The following SCAMP1 variants were observed in gnomAD, a reference collection of about 807,000 sequenced individuals.
SCAMP1 encodes secretory carrier membrane protein 1.
In SCAMP1, 15 loss-of-function variants were observed where a neutral mutation model predicts 41.8. That is an observed-to-expected ratio of 0.36 (90% CI 0.24 to 0.55). The LOEUF is 0.55. Ranked by LOEUF, SCAMP1 falls within the 20% of genes least tolerant of loss-of-function variation. SCAMP1 has a pLI of 0.86. For synonymous variants in SCAMP1, 135 were observed against 136.8 expected, an observed-to-expected ratio of 0.99 and a Z score of 0.09; for missense variants, 341 against 412.6, an observed-to-expected ratio of 0.83 and a Z score of 1.50.
chr5:78,376,767 A>C (rs893972450), intron 1 of SCAMP1, among the ~76,000 whole-genome samples: 1 of 152,210 alleles, frequency 6.6e-6, no homozygotes, highest in Non-Finnish European at 1.5e-5. Context: ...TAAGGAGTTC[A>C]TTGCCATTGA....
chr5:78,371,974 ATAG>A (rs764892783), intron 1 of SCAMP1, among the ~76,000 whole-genome samples: 29 of 152,216 alleles, frequency 1.9e-4, no homozygotes, highest in Admixed American at 5.2e-4. Context: ...AACTTGATTG[ATAG>A]TAGAAGAAAA....
chr5:78,450,120 AC>A, intron 7 of SCAMP1, 86 bp downstream of exon 7: 1 of 712,848 alleles, frequency 1.4e-6, no homozygotes, highest in Non-Finnish European at 2.4e-6. Context: ...ACACAGATAA[AC>A]CAGATTAGAA....
chr5:78,466,276 GAAAT>G (rs1412366851), intron 8 of SCAMP1, among the ~76,000 whole-genome samples: 2 of 152,212 alleles, frequency 1.3e-5, no homozygotes, highest in Non-Finnish European at 2.9e-5. Context: ...GTGAGGAAGA[GAAAT>G]AAATTGGTGG....
At chr5:78,391,850 T>A (rs1751516609) in intron 2 of SCAMP1, among the ~76,000 whole-genome samples, 1 of 151,964 alleles carries the variant, frequency 6.6e-6, no homozygotes, top group African/African-American at 2.4e-5. Context: ...ACCAAAAAAA[T>A]ACAAAAACTG....
chr5:78,461,103 T>A (rs1753600006), intron 8 of SCAMP1, among the ~76,000 whole-genome samples: 2 of 152,096 alleles, frequency 1.3e-5, no homozygotes, highest in Admixed American at 1.3e-4. Flanking sequence ...TGATCAGCCC[T>A]CACAAAGTAC....
At chr5:78,456,523 T>G (rs930911751) in intron 7 of SCAMP1, among the ~76,000 whole-genome samples, 1 of 151,626 alleles carries the variant, frequency 6.6e-6, no homozygotes, top group Non-Finnish European at 1.5e-5. Context: ...CCCACTCTCT[T>G]CTGGCTTGTA....
At position 78,476,874 on chromosome 5, in the gene SCAMP1, C is replaced by T. The variant is rs966175344; in HGVS notation, c.*1206C>T. 5 of 152,092 alleles carry T rather than the reference C, an allele frequency of 3.3e-5. No homozygotes were observed. The highest frequency in any genetic ancestry group is 6.6e-5 in the Admixed American group (1 of 15,252). The allele number at this position is 152,092 out of a possible 1,614,324, so 9.4% of individuals were successfully genotyped here. On this transcript the variant is annotated 3_prime_UTR_variant, in exon 9 of 9. Coordinates refer to ENST00000621999, the MANE Select transcript of SCAMP1 (RefSeq NM_004866.6). ...ACAGTTAACTGCATTAAGATAATCA[C>T]GTTAAAATTGTTACTATGCAGCACA...
chr5:78,373,867 C>T (rs985019657), intron 1 of SCAMP1, among the ~76,000 whole-genome samples: 2 of 152,060 alleles, frequency 1.3e-5, no homozygotes, highest in African/African-American at 2.4e-5. Flanking sequence ...GAAAAACAAA[C>T]AAAACATATT....
intron 1 of SCAMP1, chr5:78,361,139 A>G: frequency 5.5e-6 from 1 of 181,544 alleles, no homozygotes; most frequent in Non-Finnish European, 1.2e-5. Flanking sequence ...TGGGGTTGTC[A>G]TGGGGACCCG....
intron 8 of SCAMP1, among the ~76,000 whole-genome samples, chr5:78,463,773 A>C (rs1449532410): frequency 6.6e-6 from 1 of 152,172 alleles, no homozygotes; most frequent in Non-Finnish European, 1.5e-5. Flanking sequence ...GGTTGTGTAG[A>C]TATTATAGTC....
chr5:78,431,569 T>C (rs1462788983), intron 6 of SCAMP1, among the ~76,000 whole-genome samples: 3 of 148,760 alleles, frequency 2.0e-5, no homozygotes, highest in African/African-American at 7.5e-5. Flanking sequence ...TGAGTATCTG[T>C]TAATGACTGT....
At chr5:78,399,289 G>A (rs1373902233) in intron 2 of SCAMP1, among the ~76,000 whole-genome samples, 1 of 152,148 alleles carries the variant, frequency 6.6e-6, no homozygotes, top group Admixed American at 6.5e-5. Context: ...ACTGTATGTG[G>A]GTTTTTTGTA....
At chr5:78,411,559 CT>C (rs909561849) in intron 2 of SCAMP1, among the ~76,000 whole-genome samples, 3 of 152,120 alleles carry the variant, frequency 2.0e-5, no homozygotes, top group African/African-American at 7.2e-5. Flanking sequence ...TGTTTCATAA[CT>C]TTTTTTAATC....
chr5:78,477,298 A>G lies in SCAMP1; in HGVS notation c.*1630A>G, dbSNP rs1195282846. ...ATTTGGGATCTTATTGACATCAGGT[A>G]TACTTGGAAGACATTTCTTTTATTC... On this transcript the variant is annotated 3_prime_UTR_variant, in exon 9 of 9. Coordinates refer to ENST00000621999, the MANE Select transcript of SCAMP1 (RefSeq NM_004866.6). 2 of 152,132 alleles carry G rather than the reference A, an allele frequency of 1.3e-5. No individual in the cohort carries two copies. Among genetic ancestry groups the G allele is most frequent in the East Asian group, 3.8e-4 (2 of 5,200 alleles). 9.4% of individuals were successfully genotyped at this position (152,132 alleles called of 1,614,324 possible).
At position 78,421,842 on chromosome 5, in the gene SCAMP1, G is replaced by A; in HGVS notation, c.514G>A (p.Ala172Thr). The A allele has an allele frequency of 6.2e-7, 1 of 1,613,730 alleles. No individual in the cohort carries two copies. The highest frequency in any genetic ancestry group is 1.3e-5 in the African/African-American group (1 of 74,996). ...TLFLNIFGCL[A>T]WFCVDSARAV... ...GTTTCTAAATATCTTCGGATGCTTG[G>A]CTTGGTTTTGTGTTGATTCTGCAAG... is the stretch of plus-strand genomic sequence containing the variant. The change falls in exon 6 of 9, where the codon GCT (alanine) becomes ACT (threonine). Residue 172 changes from alanine to threonine, a missense_variant. Coordinates refer to ENST00000621999, the MANE Select transcript of SCAMP1 (RefSeq NM_004866.6).
At chr5:78,453,210 T>C (rs1490696892) in intron 7 of SCAMP1, among the ~76,000 whole-genome samples, 1 of 151,432 alleles carries the variant, frequency 6.6e-6, no homozygotes, top group Non-Finnish European at 1.5e-5. Context: ...TTTGTCAATT[T>C]TGGCTTTTGT....
chr5:78,406,610 A>G (rs1490431369), intron 2 of SCAMP1, among the ~76,000 whole-genome samples: 2 of 152,172 alleles, frequency 1.3e-5, no homozygotes, highest in South Asian at 2.1e-4. Context: ...TCCATCCACT[A>G]TTGTATAATC....
intron 6 of SCAMP1, among the ~76,000 whole-genome samples, chr5:78,436,947 G>A (rs933104453): frequency 2.6e-5 from 4 of 152,158 alleles, no homozygotes; most frequent in Admixed American, 2.0e-4. Flanking sequence ...CACATCCCTT[G>A]TAAGTTGGAT....
chr5:78,403,115 C>T (rs1170275230), intron 2 of SCAMP1, among the ~76,000 whole-genome samples: 1 of 152,174 alleles, frequency 6.6e-6, no homozygotes, highest in Non-Finnish European at 1.5e-5. Flanking sequence ...AAGTGATCTG[C>T]CTGCCTCGGC....
Sources: gnomAD v4.1 joint callset for allele counts (sites outside exome capture counted in the v4.1 genomes callset) on GRCh38, gnomAD v4.1.1 for gene constraint, MANE v1.5 for transcripts, NCBI Gene and HGNC (gene_info 2026-07-23, HGNC 2026-07-21) for gene names.